The following KCNMA1 variants were observed in gnomAD, a reference collection of about 807,000 sequenced individuals.
KCNMA1 encodes the protein Calcium-activated potassium channel subunit alpha-1.
In KCNMA1, 29 loss-of-function variants were observed where a neutral mutation model predicts 140.0. The ratio of observed to expected loss-of-function variants is 0.21; its 90% CI spans 0.15 to 0.28. The LOEUF (loss-of-function observed/expected upper bound fraction) is 0.28, where lower values mean the gene tolerates loss of function less well. KCNMA1 is among the 10% of genes least tolerant of loss of function. The pLI, the probability that KCNMA1 is intolerant of heterozygous loss-of-function variation, is 1.00. For synonymous variants in KCNMA1, 612 were observed against 611.9 expected (o/e 1.00, Z 0.00); for missense variants, 880 against 1,602.2 (o/e 0.55, Z 7.70).
chr10:77,343,406 T>C (rs1442231667), intron 2 of KCNMA1, among the ~76,000 whole-genome samples: 1 of 152,144 alleles, frequency 6.6e-6, no homozygotes, highest in Non-Finnish European at 1.5e-5. Context: ...TGGGAAGTTG[T>C]GTTTGAGCCC....
intron 1 of KCNMA1, among the ~76,000 whole-genome samples, chr10:77,541,510 G>T (rs187354426): frequency 5.3e-5 from 8 of 152,196 alleles, no homozygotes; most frequent in Non-Finnish European, 7.4e-5. Context: ...AGCAGCAGGG[G>T]CAGAAAAAGG....
At chr10:77,279,376 A>G (rs1008007971) in intron 2 of KCNMA1, among the ~76,000 whole-genome samples, 9 of 152,190 alleles carry the variant, frequency 5.9e-5, no homozygotes, top group Non-Finnish European at 1.2e-4. Flanking sequence ...GTGAATGGTG[A>G]GAAGAGATGA....
chr10:77,175,080 C>T (rs11002064), intron 5 of KCNMA1, among the ~76,000 whole-genome samples: 53,491 of 151,898 alleles, frequency 0.35, 9,792 homozygotes, highest in African/African-American at 0.41. Flanking sequence ...AAAACACAGA[C>T]TGCTGGCTCC....
At chr10:77,400,155 G>C (rs1054689014) in intron 2 of KCNMA1, among the ~76,000 whole-genome samples, 2 of 152,242 alleles carry the variant, frequency 1.3e-5, no homozygotes, top group Admixed American at 6.5e-5. Context: ...AACAGGCAGT[G>C]CTGCTTTCTC....
At chr10:76,911,568 C>G (rs564666558) in intron 24 of KCNMA1, 2 of 152,224 alleles carry the variant, frequency 1.3e-5, no homozygotes, top group Admixed American at 1.3e-4. Context: ...GAGGCTCATA[C>G]GAATGGGATG....
intron 1 of KCNMA1, among the ~76,000 whole-genome samples, chr10:77,616,634 C>T (rs2089615413): frequency 6.6e-6 from 1 of 152,028 alleles, no homozygotes; most frequent in Non-Finnish European, 1.5e-5. Flanking sequence ...GGTGAAACCC[C>T]GTCTCTACTA....
downstream of KCNMA1, among the ~76,000 whole-genome samples, chr10:76,879,915 G>A (rs543185251): frequency 3.9e-5 from 6 of 152,298 alleles, no homozygotes; most frequent in Non-Finnish European, 7.4e-5. Context: ...ACTTTTTCCA[G>A]GGGTTTATGT....
rs1344241129 is a variant in KCNMA1 at position 76,976,078 on chromosome 10, C to T, written c.2267-6011G>A. 3.9e-5 allele frequency among the ~76,000 whole-genome samples: 6 copies of T among 152,174 alleles called. 1 individual carries two copies. Among genetic ancestry groups the T allele is most frequent in the Non-Finnish European group, 7.3e-5 (5 of 68,032 alleles). ...ACTTCTAGCTAGGAAATAGGAAACACATTTACTTGGAAAACCTAATGGGTA... is the reference window on the plus strand; with the variant it reads ...ACTTCTAGCTAGGAAATAGGAAACATATTTACTTGGAAAACCTAATGGGTA... On this transcript the variant is annotated intron_variant, in intron 19 of 27. Transcript: ENST00000286628.
chr10:77,358,789 T>A (rs1029384217), intron 2 of KCNMA1, among the ~76,000 whole-genome samples: 1 of 152,228 alleles, frequency 6.6e-6, no homozygotes, highest in Non-Finnish European at 1.5e-5. Flanking sequence ...AAAGAGGAAA[T>A]GTTCTGTATT....
chr10:77,210,358 C>A (rs1362457009), intron 3 of KCNMA1, among the ~76,000 whole-genome samples: 1 of 152,152 alleles, frequency 6.6e-6, no homozygotes, highest in Non-Finnish European at 1.5e-5. Flanking sequence ...TTGATTAAAT[C>A]TAACATCCCT....
chr10:77,116,103 G>T (rs538531816), intron 6 of KCNMA1, among the ~76,000 whole-genome samples: 1 of 152,190 alleles, frequency 6.6e-6, no homozygotes, highest in Non-Finnish European at 1.5e-5. Flanking sequence ...AGCTACCAGC[G>T]GTTAGAATGA....
chr10:77,425,513 G>A (rs1327793022), intron 1 of KCNMA1, among the ~76,000 whole-genome samples: 3 of 152,060 alleles, frequency 2.0e-5, no homozygotes, highest in Middle Eastern at 6.3e-3. Context: ...TGCAGCTGAG[G>A]GGCCCTGCCT....
chr10:77,052,863 A>G (rs1003394521), intron 14 of KCNMA1, among the ~76,000 whole-genome samples: 1 of 152,192 alleles, frequency 6.6e-6, no homozygotes, highest in African/African-American at 2.4e-5. Context: ...AATATCTGTC[A>G]TTACTTGAAC....
At chr10:77,210,662 ACCCTAAAG>A (rs2045762869) in intron 3 of KCNMA1, among the ~76,000 whole-genome samples, 1 of 152,154 alleles carries the variant, frequency 6.6e-6, no homozygotes, top group Admixed American at 6.6e-5. Context: ...TACTTAGAAA[ACCCTAAAG>A]ATTCTTATAA....
At chr10:77,098,386 C>A (rs769353363) in intron 9 of KCNMA1, among the ~76,000 whole-genome samples, 2 of 152,070 alleles carry the variant, frequency 1.3e-5, no homozygotes, top group Non-Finnish European at 2.9e-5. Flanking sequence ...CCAATGGGTA[C>A]TCTTAAATCT....
chr10:77,503,070 A>T (rs2044502491), intron 1 of KCNMA1, among the ~76,000 whole-genome samples: 1 of 152,158 alleles, frequency 6.6e-6, no homozygotes, highest in Non-Finnish European at 1.5e-5. Context: ...TAGGCAACAT[A>T]GCTAGATCCT....
chr10:77,070,470 C>G (rs902521175), intron 14 of KCNMA1, among the ~76,000 whole-genome samples: 1 of 152,168 alleles, frequency 6.6e-6, no homozygotes, highest in African/African-American at 2.4e-5. Context: ...AGAGGGTGAG[C>G]TAACACTTTA....
intron 1 of KCNMA1, among the ~76,000 whole-genome samples, chr10:77,612,885 G>A (rs568087094): frequency 1.2e-3 from 176 of 152,232 alleles, no homozygotes; most frequent in African/African-American, 4.0e-3. Context: ...AGACAAAGCT[G>A]GAGCTGACTC....
At chr10:77,453,026 C>G (rs1459825824) in intron 1 of KCNMA1, among the ~76,000 whole-genome samples, 1 of 152,100 alleles carries the variant, frequency 6.6e-6, no homozygotes, top group Admixed American at 6.6e-5. Flanking sequence ...AGGACAGAAC[C>G]TGGTGTAAAG....
Sources: gnomAD v4.1 joint callset for allele counts (sites outside exome capture counted in the v4.1 genomes callset) on GRCh38, gnomAD v4.1.1 for gene constraint, MANE v1.5 for transcripts, NCBI Gene and HGNC (gene_info 2026-07-23, HGNC 2026-07-21) for gene names.